The following DOCK10 variants were observed in gnomAD, a reference collection of about 807,000 sequenced individuals.
DOCK10 encodes the protein dedicator of cytokinesis 10, also known as dedicator of cytokinesis protein 10.
Under a neutral mutation model 280.1 loss-of-function variants are expected in DOCK10, and 145 were observed. The ratio of observed to expected loss-of-function variants is 0.52; its 90% CI spans 0.45 to 0.59. The LOEUF (loss-of-function observed/expected upper bound fraction) is 0.59, where lower values mean the gene tolerates loss of function less well. Ranked by LOEUF, DOCK10 falls within the 20% of genes least tolerant of loss-of-function variation. DOCK10 has a pLI of 0.00. For missense variants in DOCK10, 2,368 were observed against 2,651.7 expected, an observed-to-expected ratio of 0.89 and a Z score of 2.35; for synonymous variants, 915 against 942.2, an observed-to-expected ratio of 0.97 and a Z score of 0.53.
At chr2:224,943,860 T>A (rs946905507) in intron 1 of DOCK10, among the ~76,000 whole-genome samples, 4 of 150,798 alleles carry the variant, frequency 2.7e-5, no homozygotes, top group African/African-American at 9.8e-5. Context: ...GCTTCCTGGG[T>A]TCAAGTGATT....
Position 224,866,542 on chromosome 2 carries a change from C to T in DOCK10, c.1258-1455G>A, listed in dbSNP as rs78882569. 3.0e-3 allele frequency among the ~76,000 whole-genome samples: 456 copies of T among 152,264 alleles called. 1 individual carries two copies. The highest frequency in any genetic ancestry group is 0.011 in the African/African-American group (440 of 41,534). Reference sequence around the variant, plus strand: ...GATTACCCCCAGGTCTTGCTACTCACCAAACACAACCCACCCTAGTCTTCA... The same window carrying T: ...GATTACCCCCAGGTCTTGCTACTCATCAAACACAACCCACCCTAGTCTTCA... On this transcript the variant is annotated intron_variant, in intron 11 of 55. Transcript: ENST00000258390.
At chr2:224,862,573 A>G in intron 14 of DOCK10, 91 bp downstream of exon 14, 1 of 1,009,948 alleles carries the variant, frequency 9.9e-7, no homozygotes, top group Non-Finnish European at 1.5e-6. Context: ...CACATTAAAA[A>G]TAATAGGCAA....
At chr2:224,982,962 C>A (rs917135879) in intron 1 of DOCK10, among the ~76,000 whole-genome samples, 7 of 152,116 alleles carry the variant, frequency 4.6e-5, no homozygotes, top group African/African-American at 1.4e-4. Flanking sequence ...AAAGTATGCA[C>A]GCATTAACCA....
At chr2:224,888,750 G>A (rs2125779481) in intron 4 of DOCK10, among the ~76,000 whole-genome samples, 1 of 151,876 alleles carries the variant, frequency 6.6e-6, no homozygotes, top group South Asian at 2.1e-4. Context: ...GTGTATGTGT[G>A]TGTGAATATA....
chr2:224,931,493 T>C, intron 2 of DOCK10, 56 bp downstream of exon 2: 2 of 1,535,112 alleles, frequency 1.3e-6, no homozygotes, highest in South Asian at 1.2e-5. Flanking sequence ...GGAAAGACAA[T>C]GACCCAATGT....
intron 12 of DOCK10, 67 bp downstream of exon 12, chr2:224,864,799 T>C (rs1391910083): frequency 6.3e-7 from 1 of 1,598,690 alleles, no homozygotes. Context: ...GCTCATCTTA[T>C]ATGATCTATT....
intron 4 of DOCK10, among the ~76,000 whole-genome samples, chr2:224,894,661 A>G (rs576245466): frequency 1.3e-3 from 200 of 152,354 alleles, no homozygotes; most frequent in Admixed American, 6.3e-3. Context: ...GAGCTTGTCT[A>G]TCAGCAGGGA....
At chr2:224,963,236 T>C (rs1487501479) in intron 1 of DOCK10, among the ~76,000 whole-genome samples, 1 of 152,204 alleles carries the variant, frequency 6.6e-6, no homozygotes, top group Non-Finnish European at 1.5e-5. Flanking sequence ...TTTAAGACCA[T>C]GTCTTTTGGG....
At chr2:225,009,665 AAAC>A (rs1689381580) in intron 1 of DOCK10, among the ~76,000 whole-genome samples, 1 of 151,942 alleles carries the variant, frequency 6.6e-6, no homozygotes, top group East Asian at 1.9e-4. Context: ...AGAAAAAAGA[AAAC>A]AACAACAAAA....
intron 27 of DOCK10, among the ~76,000 whole-genome samples, chr2:224,830,216 ACT>A (rs1429535913): frequency 2.0e-5 from 3 of 151,902 alleles, no homozygotes; most frequent in African/African-American, 7.3e-5. Context: ...TCACTGTGAG[ACT>A]CTTCCTAGCC....
At chr2:224,835,735 G>A (rs1425691678) in intron 25 of DOCK10, among the ~76,000 whole-genome samples, 2 of 152,148 alleles carry the variant, frequency 1.3e-5, no homozygotes, top group Non-Finnish European at 2.9e-5. Context: ...GTTCTTTCCC[G>A]AGTAAAATGC....
At chr2:224,886,941 T>C (rs1699336531) in intron 4 of DOCK10, among the ~76,000 whole-genome samples, 1 of 151,656 alleles carries the variant, frequency 6.6e-6, no homozygotes, top group Admixed American at 6.6e-5. Flanking sequence ...TTTTGTATTT[T>C]TTGTGGGGAT....
rs1043811785 is a variant in DOCK10 at position 224,857,647 on chromosome 2, T to C, written c.1686-665A>G. On this transcript the variant is annotated intron_variant, in intron 14 of 55. Transcript: ENST00000258390. The stretch of plus-strand genomic sequence containing the variant: ...ACATAAATAGCTTTTGTCCAAATAA[T>C]ATAGTAATGTCAGGCAATACTTGCT... 4.6e-5 allele frequency among the ~76,000 whole-genome samples: 7 copies of C among 152,204 alleles called. No individual in the cohort carries two copies. In the East Asian group the frequency reaches 1.2e-3, roughly 25 times the overall value.
At position 224,852,652 on chromosome 2, in the gene DOCK10, G is replaced by A. The variant is rs573465714; in HGVS notation, c.2077-210C>T. On this transcript the variant is annotated intron_variant, in intron 17 of 55. Transcript: ENST00000258390. ...AGTAAAAAGCTCATATTGAAAGGGGGCAGGCATGCTATTTTTAGAATATCT... is the reference window on the plus strand; with the variant it reads ...AGTAAAAAGCTCATATTGAAAGGGGACAGGCATGCTATTTTTAGAATATCT... Among the ~76,000 whole-genome samples, 437 of 152,212 alleles carry A rather than the reference G, an allele frequency of 2.9e-3. 3 individuals are homozygous for A. The highest frequency in any genetic ancestry group is 0.012 in the South Asian group (58 of 4,832).
rs187167988 is a variant in DOCK10, at chr2:224,998,574, G to A, written c.123+43678C>T. ...GTTCCTTCCCTTTAGCAGCATAAAA[G>A]CTTCTGCTATATATAAAATAACTCC... is the stretch of plus-strand genomic sequence containing the variant. On this transcript the variant is annotated intron_variant, in intron 1 of 55. Transcript: ENST00000258390. Among the ~76,000 whole-genome samples, 113 of 152,088 alleles carry A rather than the reference G, an allele frequency of 7.4e-4. 1 individual carries two copies. The highest frequency in any genetic ancestry group is 8.8e-5 in the Non-Finnish European group (6 of 67,988).
intron 53 of DOCK10, 34 bp downstream of exon 53, chr2:224,773,123 A>T (rs546809680): frequency 6.5e-7 from 1 of 1,545,684 alleles, no homozygotes; most frequent in South Asian, 1.2e-5. Context: ...TTCATTGGCC[A>T]TGTGCATCTC....
rs564590911 is a variant in DOCK10, at chr2:224,917,576, G to A, written c.244-792C>T. ...GTAGTTAGGGGTGGGAAGGAAGAAG[G>A]AGTGTTTAGTAAATCTGAACCTTGA... On this transcript the variant is annotated intron_variant, in intron 2 of 55. Coordinates refer to ENST00000258390, the MANE Select transcript of DOCK10 (RefSeq NM_014689.3). Among the ~76,000 whole-genome samples, 15 of 152,206 alleles carry A rather than the reference G, an allele frequency of 9.9e-5. No individual in the cohort carries two copies. In the South Asian group the frequency reaches 2.9e-3, roughly 29 times the overall value.
intron 55 of DOCK10, among the ~76,000 whole-genome samples, chr2:224,769,754 C>T (rs990446567): frequency 6.6e-5 from 10 of 151,952 alleles, no homozygotes; most frequent in East Asian, 1.9e-4. Context: ...GCCCAGCCTC[C>T]GTAAAGGCAG....
intron 22 of DOCK10, among the ~76,000 whole-genome samples, chr2:224,842,177 T>C (rs894994439): frequency 6.6e-6 from 1 of 152,238 alleles, no homozygotes; most frequent in Non-Finnish European, 1.5e-5. Context: ...TTCCCTTGGT[T>C]GTGCTTTTTG....
Sources: allele counts gnomAD v4.1 joint callset (sites outside exome capture counted in the v4.1 genomes callset), GRCh38; gene constraint gnomAD v4.1.1; transcripts MANE v1.5; gene names NCBI Gene and HGNC (gene_info 2026-07-23, HGNC 2026-07-21).